The following PCDHGA1 variants were observed in gnomAD, a reference collection of about 807,000 sequenced individuals.
PCDHGA1 encodes protocadherin gamma-A1.
Under a neutral mutation model 58.0 loss-of-function variants are expected in PCDHGA1, and 32 were observed. The ratio of observed to expected loss-of-function variants is 0.55; its 90% CI spans 0.42 to 0.74. The LOEUF (loss-of-function observed/expected upper bound fraction) is 0.74. PCDHGA1 is among the 30% of genes least tolerant of loss of function. The pLI, the probability that PCDHGA1 is intolerant of heterozygous loss-of-function variation, is 0.00. For synonymous variants in PCDHGA1, 498 were observed against 501.1 expected, an observed-to-expected ratio of 0.99 and a Z score of 0.08; for missense variants, 1,205 against 1,182.3, an observed-to-expected ratio of 1.02 and a Z score of -0.28.
At chr5:141,383,426 G>A (rs72790024) in intron 1 of PCDHGA1, 89,880 of 1,613,866 alleles carry the variant, frequency 0.056, 3,017 homozygotes, top group African/African-American at 0.15. Context: ...AGCCCCAATC[G>A]CCACTTCTCC....
chr5:141,404,080 C>G (rs369802030), intron 1 of PCDHGA1: 1 of 1,613,516 alleles, frequency 6.2e-7, no homozygotes, highest in Non-Finnish European at 8.5e-7. Flanking sequence ...ACCGAGACTC[C>G]GGGAAGAATG....
rs776079289 is a variant in PCDHGA1 at position 141,423,264 on chromosome 5, CGAGTCTCT to C, written c.2422-71541_2422-71534del. The C allele has an allele frequency of 9.8e-5, 158 of 1,613,986 alleles. 1 individual carries two copies. The African/African-American group carries it at 1.9e-3, about 20-fold the overall frequency. ...AAGTCCTGGCGGACCTCGGCAGCCT[CGAGTCTCT>C]GGCTAACTCTGAAACCTCAGACCTC... On this transcript the variant is annotated intron_variant, in intron 1 of 3. Transcript: ENST00000517417.
chr5:141,408,082 G>A, intron 1 of PCDHGA1: 1 of 1,417,366 alleles, frequency 7.1e-7, no homozygotes, highest in Non-Finnish European at 9.3e-7. Context: ...TCCCAGCACA[G>A]CGGATTGCCA....
intron 1 of PCDHGA1, among the ~76,000 whole-genome samples, chr5:141,446,621 C>G (rs1284919173): frequency 6.6e-6 from 1 of 152,094 alleles, no homozygotes; most frequent in African/African-American, 2.4e-5. Context: ...GGACTACAGG[C>G]GTGCACCACC....
intron 1 of PCDHGA1, chr5:141,426,513 C>G (rs780618436): frequency 2.3e-5 from 8 of 341,028 alleles, no homozygotes; most frequent in African/African-American, 4.3e-5. Flanking sequence ...AATACTTTAC[C>G]GTGAACACGG....
intron 1 of PCDHGA1, chr5:141,393,048 C>T (rs745354934): frequency 1.2e-6 from 2 of 1,613,672 alleles, no homozygotes; most frequent in African/African-American, 1.3e-5. Context: ...TGCTCTGAAC[C>T]CGCGCAGCGG....
At chr5:141,364,658 G>C in intron 1 of PCDHGA1, 1 of 1,614,020 alleles carries the variant, frequency 6.2e-7, no homozygotes, top group Non-Finnish European at 8.5e-7. Context: ...TAACATCTTG[G>C]TTGAGAACAA....
chr5:141,451,134 T>A (rs567790185), intron 1 of PCDHGA1, among the ~76,000 whole-genome samples: 1 of 152,254 alleles, frequency 6.6e-6, no homozygotes, highest in South Asian at 2.1e-4. Context: ...AGCCTTATGA[T>A]TGTATTTAGA....
intron 1 of PCDHGA1, chr5:141,346,563 T>A: frequency 6.8e-7 from 1 of 1,461,888 alleles, no homozygotes; most frequent in Non-Finnish European, 9.2e-7. Flanking sequence ...AGGTTGTCAT[T>A]AGTCCTTTGA....
chr5:141,490,157 G>A lies in PCDHGA1; in HGVS notation c.2422-4650G>A. 6.2e-7 allele frequency: 1 copy of A among 1,614,210 alleles called. No homozygotes were observed. On this transcript the variant is annotated intron_variant, in intron 1 of 3. Transcript: ENST00000517417. The surrounding 1 kb of genome is among the most constrained non-coding windows in gnomAD (Gnocchi z 5.4). ...AGCAGTGGGGCAATCCATGTGTTGG[G>A]TCCCATAGACTTTGAGGAGTCACGT...
intron 1 of PCDHGA1, among the ~76,000 whole-genome samples, chr5:141,354,798 A>T (rs1759635009): frequency 6.6e-6 from 1 of 152,264 alleles, no homozygotes; most frequent in African/African-American, 2.4e-5. Context: ...AAGAAAATAA[A>T]TAACTTCATA....
At chr5:141,387,628 G>A (rs2091015052) in intron 1 of PCDHGA1, 1 of 577,308 alleles carries the variant, frequency 1.7e-6, no homozygotes, top group Admixed American at 3.5e-5. Context: ...GCTGACTCTG[G>A]GCGCCGCTGT....
chr5:141,432,196 C>G lies in PCDHGA1; in HGVS notation c.2422-62611C>G, dbSNP rs200790843. ...TCGTCTCTGTGACCGCCCACGACCC[C>G]GACTGTGAAGAGAACGCCCAGATCA... On this transcript the variant is annotated intron_variant, in intron 1 of 3. Transcript: ENST00000517417. The surrounding 1 kb of genome is among the most constrained non-coding windows in gnomAD (Gnocchi z 6.0). The G allele has an allele frequency of 6.2e-7, 1 of 1,614,192 alleles. No individual in the cohort carries two copies. Among genetic ancestry groups the G allele is most frequent in the East Asian group, 2.2e-5 (1 of 44,880 alleles).
chr5:141,400,524 G>T, intron 1 of PCDHGA1: 1 of 1,613,920 alleles, frequency 6.2e-7, no homozygotes, highest in Non-Finnish European at 8.5e-7. Flanking sequence ...ATCCTGAGTT[G>T]GTGAGTTTCA....
chr5:141,340,338 C>A (rs1382613654), intron 1 of PCDHGA1: 1 of 1,614,076 alleles, frequency 6.2e-7, no homozygotes, highest in Non-Finnish European at 8.5e-7. Context: ...TCCCGCACAT[C>A]CTACTCCACC....
intron 1 of PCDHGA1, chr5:141,385,554 T>C (rs2090283366): frequency 7.6e-7 from 1 of 1,314,354 alleles, no homozygotes; most frequent in Non-Finnish European, 9.7e-7. Context: ...TATCACATTT[T>C]ATAATTTCCA....
chr5:141,508,183 A>G (rs1596134418), intron 3 of PCDHGA1: 1 of 152,336 alleles, frequency 6.6e-6, no homozygotes, highest in African/African-American at 2.4e-5. Context: ...GAGAGAAGGC[A>G]TCACCCCCAC....
At chr5:141,345,625 T>TGGTGACAGCC in intron 1 of PCDHGA1, 1 of 1,614,184 alleles carries the variant, frequency 6.2e-7, no homozygotes, top group Non-Finnish European at 8.5e-7. Context: ...TTAAAGCTAC[T>TGGTGACAGCC]GGTGACAGCC....
At chr5:141,496,121 C>G (rs1391009290) in intron 2 of PCDHGA1, among the ~76,000 whole-genome samples, 1 of 152,088 alleles carries the variant, frequency 6.6e-6, no homozygotes, top group Non-Finnish European at 1.5e-5. Context: ...TCCTTCCCTG[C>G]CCCTCACACA....
Sources: allele counts gnomAD v4.1 joint callset (sites outside exome capture counted in the v4.1 genomes callset), GRCh38; gene constraint gnomAD v4.1.1; non-coding constraint Gnocchi (gnomAD v3.1); transcripts MANE v1.5; gene names NCBI Gene and HGNC (gene_info 2026-07-23, HGNC 2026-07-21).